Variants in CPNE4 observed in about 807,000 individuals in gnomAD.
CPNE4 encodes the protein copine 4, also known as copine-4.
A neutral mutation model predicts 67.9 loss-of-function variants in CPNE4; 25 were observed. The observed-to-expected ratio is 0.37, with a 90% CI of 0.27 to 0.51. The LOEUF is 0.51. Among genes scored for constraint, CPNE4 ranks in the 20% least tolerant of loss-of-function variants. The pLI is 0.93. For missense variants in CPNE4, 464 were observed against 690.8 expected (o/e 0.67, Z 3.68); for synonymous variants, 242 against 244.9 (o/e 0.99, Z 0.11).
At chr3:131,988,000 A>C (rs76653678) in intron 1 of CPNE4, among the ~76,000 whole-genome samples, 12,056 of 152,240 alleles carry the variant, frequency 0.079, 512 homozygotes, top group East Asian at 0.14. Flanking sequence ...GAGGGCAAAT[A>C]GTTAGTGTGA....
At chr3:131,713,107 C>T (rs2081598377) in intron 3 of CPNE4, among the ~76,000 whole-genome samples, 1 of 149,730 alleles carries the variant, frequency 6.7e-6, no homozygotes, top group African/African-American at 2.4e-5. Context: ...GGATTAGGAT[C>T]AGGACAGGCT....
intron 2 of CPNE4, among the ~76,000 whole-genome samples, chr3:131,757,037 C>A (rs2082768008): frequency 6.6e-6 from 1 of 152,190 alleles, no homozygotes; most frequent in African/African-American, 2.4e-5. Flanking sequence ...TCCAATTAAA[C>A]CTCTTTTTCT....
At chr3:131,913,704 A>C (rs752782313) in intron 1 of CPNE4, among the ~76,000 whole-genome samples, 3 of 152,146 alleles carry the variant, frequency 2.0e-5, no homozygotes, top group Non-Finnish European at 4.4e-5. Flanking sequence ...CTTCTGCCTT[A>C]TGCCTCCTTG....
intron 2 of CPNE4, among the ~76,000 whole-genome samples, chr3:131,834,927 A>G (rs116367486): frequency 0.015 from 2,330 of 152,338 alleles, 28 homozygotes; most frequent in Middle Eastern, 0.075. Context: ...TAAGACAGGA[A>G]ATAAAAATTA....
intron 1 of CPNE4, among the ~76,000 whole-genome samples, chr3:131,953,246 A>AT (rs1560668983): frequency 4.5e-4 from 29 of 65,042 alleles, no homozygotes; most frequent in East Asian, 2.0e-3. Flanking sequence ...AATTAAAAAA[A>AT]AAAAAAAAAA....
At chr3:131,600,663 G>T (rs1334841654) in intron 7 of CPNE4, among the ~76,000 whole-genome samples, 1 of 152,144 alleles carries the variant, frequency 6.6e-6, no homozygotes, top group African/African-American at 2.4e-5. Context: ...AGCATCTAGG[G>T]CATAACATCT....
At chr3:131,915,083 A>G (rs1246850641) in intron 1 of CPNE4, among the ~76,000 whole-genome samples, 1 of 152,242 alleles carries the variant, frequency 6.6e-6, no homozygotes, top group Non-Finnish European at 1.5e-5. Context: ...TCTTGAGATC[A>G]GTATTGTCAG....
At chr3:131,647,440 G>A (rs2079694686) in intron 7 of CPNE4, among the ~76,000 whole-genome samples, 2 of 152,166 alleles carry the variant, frequency 1.3e-5, no homozygotes, top group African/African-American at 2.4e-5. Flanking sequence ...GAGAAGCCTG[G>A]TTATCAGATT....
At chr3:131,888,629 C>T (rs972752730) in intron 2 of CPNE4, among the ~76,000 whole-genome samples, 8 of 152,050 alleles carry the variant, frequency 5.3e-5, no homozygotes, top group Non-Finnish European at 1.2e-4. Flanking sequence ...TGGGGGACAA[C>T]GTTGGCACAG....
At chr3:131,673,473 C>T (rs75261642) in intron 6 of CPNE4, among the ~76,000 whole-genome samples, 1 of 151,854 alleles carries the variant, frequency 6.6e-6, no homozygotes. Context: ...TGAACATGGA[C>T]TATTTTTCCA....
At chr3:131,985,845 G>A (rs1420464263) in intron 1 of CPNE4, 1 of 154,054 alleles carries the variant, frequency 6.5e-6, no homozygotes, top group East Asian at 1.9e-4. Context: ...CTGATGATGG[G>A]ATAATTGTCT....
intron 2 of CPNE4, among the ~76,000 whole-genome samples, chr3:131,803,877 C>G (rs1017077530): frequency 2.6e-5 from 4 of 152,176 alleles, no homozygotes; most frequent in Non-Finnish European, 5.9e-5. Flanking sequence ...ACCGTAAAGA[C>G]TAATCTCTTA....
chr3:131,962,973 T>C (rs2072228171), intron 1 of CPNE4, among the ~76,000 whole-genome samples: 3 of 152,256 alleles, frequency 2.0e-5, no homozygotes. Flanking sequence ...GATGGTCAAA[T>C]AGGAACAGTT....
intron 2 of CPNE4, among the ~76,000 whole-genome samples, chr3:131,780,035 T>C (rs1012942187): frequency 6.6e-6 from 1 of 152,002 alleles, no homozygotes; most frequent in Non-Finnish European, 1.5e-5. Context: ...GAACAAACAC[T>C]TCTCAAAATA....
chr3:131,792,660 C>CGTGTATATATATACATATATACACACGT (rs1560321976), intron 2 of CPNE4, among the ~76,000 whole-genome samples: 2 of 53,436 alleles, frequency 3.7e-5, no homozygotes, highest in East Asian at 6.0e-4. Context: ...TATATACACA[C>CGTGTATATATATACATATATACACACGT]GTGTATATAT....
At chr3:131,902,928 AG>A (rs756045997) in intron 2 of CPNE4, among the ~76,000 whole-genome samples, 2 of 152,128 alleles carry the variant, frequency 1.3e-5, no homozygotes, top group Non-Finnish European at 2.9e-5. Context: ...TTACATTCTA[AG>A]CCTTCGATAG....
chr3:131,984,779 CT>C (rs2073002186), intron 1 of CPNE4, among the ~76,000 whole-genome samples: 1 of 152,130 alleles, frequency 6.6e-6, no homozygotes, highest in South Asian at 2.1e-4. Flanking sequence ...AGATTAATAC[CT>C]CAGTTTCTTC....
rs1583042418 is a variant in CPNE4 at position 131,699,951 on chromosome 3, G to C, written c.390C>G (p.Ser130=). The C allele has an allele frequency of 6.2e-7, 1 of 1,609,856 alleles. No individual in the cohort carries two copies. The highest frequency in any genetic ancestry group is 8.5e-7 in the Non-Finnish European group (1 of 1,177,644). The part of the protein sequence containing the change: ...QIVSQRKLSK[S]LLKHGNTAGK... ...CTGCTGTGTTCCCATGCTTCAGCAA[G>C]GATTTGGACAGCTTTCTCTGGGAAA... Residue 130 remains serine, a synonymous_variant, in exon 4 of 16, where the codon TCC becomes TCG. Transcript: ENST00000429747.
chr3:131,784,081 C>T (rs528017279), intron 2 of CPNE4, among the ~76,000 whole-genome samples: 37 of 152,020 alleles, frequency 2.4e-4, no homozygotes, highest in Non-Finnish European at 4.6e-4. Flanking sequence ...TGACATTTTA[C>T]GACAAATAGT....
Sources: gnomAD v4.1 joint callset for allele counts (sites outside exome capture counted in the v4.1 genomes callset) on GRCh38, gnomAD v4.1.1 for gene constraint, MANE v1.5 for transcripts, NCBI Gene and HGNC (gene_info 2026-07-23, HGNC 2026-07-21) for gene names.